Variants in NEK10 observed in about 807,000 individuals in gnomAD.
NEK10 encodes the protein serine/threonine-protein kinase Nek10.
NEK10 carries 122 observed loss-of-function variants against 159.8 expected under a neutral mutation model. The observed-to-expected ratio is 0.76, with a 90% confidence interval of 0.66 to 0.89. NEK10 has a LOEUF of 0.89. NEK10 is among the 40% of genes least tolerant of loss of function. The probability of loss-of-function intolerance (pLI) is 0.00; values close to 1 mark genes in which losing one functional copy is unlikely to be tolerated. For missense variants in NEK10, 1,342 were observed against 1,323.1 expected (o/e 1.01, Z -0.22); for synonymous variants, 466 against 457.1 (o/e 1.02, Z -0.25).
chr3:27,268,327 T>C (rs938278061), intron 22 of NEK10, among the ~76,000 whole-genome samples: 6 of 152,184 alleles, frequency 3.9e-5, no homozygotes, highest in African/African-American at 1.4e-4. Flanking sequence ...AAAATTCCCT[T>C]CTACTGAAAG....
intron 22 of NEK10, among the ~76,000 whole-genome samples, chr3:27,274,045 T>C (rs2041581336): frequency 6.6e-6 from 1 of 152,112 alleles, no homozygotes; most frequent in South Asian, 2.1e-4. Flanking sequence ...TTATTTCTAA[T>C]TCAACAAATG....
chr3:27,200,359 A>G lies in NEK10; in HGVS notation c.2291+1151T>C, dbSNP rs921411230. Among the ~76,000 whole-genome samples the G allele has an allele frequency of 3.3e-5, 5 of 152,252 alleles. No homozygotes were observed. The South Asian group carries it at 1.0e-3, about 32-fold the overall frequency. ...TAAAAGACTCAGAAGGCAGATGAAAAAAGATTCTATCTGGGGTGACTCTAG... is the reference window on the plus strand; with the variant it reads ...TAAAAGACTCAGAAGGCAGATGAAAGAAGATTCTATCTGGGGTGACTCTAG... On this transcript the variant is annotated intron_variant, in intron 25 of 35. Transcript: ENST00000691995.
intron 5 of NEK10, among the ~76,000 whole-genome samples, chr3:27,328,380 T>A (rs530020300): frequency 6.6e-6 from 1 of 152,314 alleles, no homozygotes; most frequent in African/African-American, 2.4e-5. Flanking sequence ...CTGGGCATGC[T>A]ATTTTAGGAC....
At chr3:27,281,711 A>G (rs913316416) in intron 22 of NEK10, among the ~76,000 whole-genome samples, 1 of 152,158 alleles carries the variant, frequency 6.6e-6, no homozygotes, top group Admixed American at 6.5e-5. Context: ...AAAAAGACAC[A>G]GAACATAAGA....
chr3:27,311,952 A>G (rs1240904287), intron 8 of NEK10, 147 bp downstream of exon 8: 9 of 645,816 alleles, frequency 1.4e-5, no homozygotes, highest in South Asian at 9.1e-5. Flanking sequence ...GCCACTGAAT[A>G]TAACAATTGG....
chr3:27,368,749 A>C lies in NEK10; in HGVS notation c.-38+476T>G, dbSNP rs1004655328. On this transcript the variant is annotated intron_variant, in intron 1 of 35. Coordinates refer to ENST00000691995, the MANE Select transcript of NEK10 (RefSeq NM_001394966.1). ...GCTAGGTTCCAGTTGGAGACTTTCT[A>C]ATCATCGTCAGATAGATGGTGCCTG... Among the ~76,000 whole-genome samples the C allele has an allele frequency of 4.6e-5, 7 of 152,118 alleles. No individual in the cohort carries two copies. In the East Asian group the frequency reaches 1.4e-3, roughly 29 times the overall value.
chr3:27,249,313 C>T lies in NEK10; in HGVS notation c.2090+6983G>A, dbSNP rs141947720. Among the ~76,000 whole-genome samples, 931 of 152,276 alleles carry T rather than the reference C, an allele frequency of 6.1e-3. 3 individuals carry two copies. Among genetic ancestry groups the T allele is most frequent in the Non-Finnish European group, 0.01 (702 of 67,994 alleles). ...CCCAGTCTCAGGTAGTTCTTTATAG[C>T]AGTTTGAAAACAGACTAATACAATT... On this transcript the variant is annotated intron_variant, in intron 23 of 35. Coordinates refer to ENST00000691995, the MANE Select transcript of NEK10 (RefSeq NM_001394966.1).
intron 23 of NEK10, among the ~76,000 whole-genome samples, chr3:27,214,194 A>G (rs1291947232): frequency 6.6e-6 from 1 of 152,222 alleles, no homozygotes; most frequent in Admixed American, 6.5e-5. Context: ...AAATCAATGT[A>G]TACCTTACGT....
intron 23 of NEK10, among the ~76,000 whole-genome samples, chr3:27,251,696 A>T (rs143563372): frequency 1.8e-3 from 277 of 152,342 alleles, no homozygotes; most frequent in African/African-American, 6.3e-3. Context: ...GCAATCCAAG[A>T]ACGATCTAAC....
intron 23 of NEK10, among the ~76,000 whole-genome samples, chr3:27,210,301 G>A (rs570808873): frequency 6.6e-6 from 1 of 152,246 alleles, no homozygotes; most frequent in African/African-American, 2.4e-5. Context: ...CGGCAAAGGG[G>A]CTGAGGGTGC....
chr3:27,233,928 A>C (rs1953605173), intron 23 of NEK10, among the ~76,000 whole-genome samples: 1 of 152,110 alleles, frequency 6.6e-6, no homozygotes, highest in Admixed American at 6.6e-5. Context: ...ACCACAGTGA[A>C]GTAGGCTTCA....
intron 32 of NEK10, among the ~76,000 whole-genome samples, chr3:27,127,825 C>T (rs1003287504): frequency 3.9e-5 from 6 of 151,986 alleles, no homozygotes; most frequent in Admixed American, 3.3e-4. Context: ...CCCTAAAATG[C>T]TTTAATCTTT....
intron 31 of NEK10, among the ~76,000 whole-genome samples, chr3:27,135,763 C>G (rs1943129741): frequency 6.6e-6 from 1 of 152,148 alleles, no homozygotes; most frequent in Admixed American, 6.5e-5. Flanking sequence ...ATACACAAAA[C>G]ATAACACTTC....
At position 27,199,209 on chromosome 3, in the gene NEK10, T is replaced by A. The variant is rs145098415; in HGVS notation, c.2291+2301A>T. Among the ~76,000 whole-genome samples, 974 of 152,226 alleles carry A rather than the reference T, an allele frequency of 6.4e-3. 7 individuals carry two copies. The highest frequency in any genetic ancestry group is 9.7e-3 in the Non-Finnish European group (659 of 68,016). ...AACAGAAGAAAATTTTTGCAAACTA[T>A]GCACCTGACAAAGGTCTAATATGCA... On this transcript the variant is annotated intron_variant, in intron 25 of 35. Coordinates refer to ENST00000691995, the MANE Select transcript of NEK10 (RefSeq NM_001394966.1).
At chr3:27,140,257 TCA>T (rs1181083540) in intron 31 of NEK10, among the ~76,000 whole-genome samples, 1 of 152,192 alleles carries the variant, frequency 6.6e-6, no homozygotes, top group Non-Finnish European at 1.5e-5. Flanking sequence ...TTATAGCTTC[TCA>T]CACAGTTTCC....
In NEK10 at chr3:27,197,419, G is replaced by A. The variant is rs200184413; in HGVS notation, c.2291+4091C>T. On this transcript the variant is annotated intron_variant, in intron 25 of 35. Transcript: ENST00000691995. ...TCAAACACCTGACCTCAGGTGATCT[G>A]CCTGCCTCAGCCTCCCAAAGTGCTG... 1.7e-4 allele frequency among the ~76,000 whole-genome samples: 26 copies of A among 152,002 alleles called. 1 individual carries two copies. In the East Asian group the frequency reaches 5.1e-3, roughly 30 times the overall value.
chr3:27,291,260 A>G lies in NEK10; in HGVS notation c.1605+2T>C. The G allele has an allele frequency of 1.2e-6, 2 of 1,610,084 alleles. No homozygotes were observed. The highest frequency in any genetic ancestry group is 1.7e-6 in the Non-Finnish European group (2 of 1,178,964). On this transcript the variant is annotated splice_donor_variant, in intron 18 of 35. Transcript: ENST00000691995. LOFTEE classifies it high-confidence loss of function. ...AGAAATGTTCCCCAAGGGGAAAGTC[A>G]CCTTGTAAACACAGCCAAAAGCTCC... is the stretch of plus-strand genomic sequence containing the variant.
intron 30 of NEK10, among the ~76,000 whole-genome samples, chr3:27,150,871 T>C (rs553614176): frequency 6.6e-6 from 1 of 152,168 alleles, no homozygotes. Flanking sequence ...TAAAAACATG[T>C]ATGCATTTTA....
intron 23 of NEK10, chr3:27,214,879 C>T (rs988091008): frequency 3.3e-6 from 4 of 1,214,266 alleles, no homozygotes; most frequent in African/African-American, 1.5e-5. Flanking sequence ...TTCCTAATCC[C>T]ATGCCAGAAC....
Sources: allele counts gnomAD v4.1 joint callset (sites outside exome capture counted in the v4.1 genomes callset), GRCh38; gene constraint gnomAD v4.1.1; transcripts MANE v1.5; gene names NCBI Gene and HGNC (gene_info 2026-07-23, HGNC 2026-07-21).